Variants in LSAMP observed in about 807,000 individuals in gnomAD.
LSAMP encodes the protein limbic system associated membrane protein.
LSAMP carries 7 observed loss-of-function variants against 38.6 expected under a neutral mutation model. That is an observed-to-expected ratio of 0.18 (90% CI 0.10 to 0.34). LSAMP has a LOEUF of 0.34. Among genes scored for constraint, LSAMP ranks in the 10% least tolerant of loss-of-function variants. LSAMP has a pLI of 1.00. For missense variants in LSAMP, 313 were observed against 420.0 expected, an observed-to-expected ratio of 0.75 and a Z score of 2.23; for synonymous variants, 154 against 166.8, an observed-to-expected ratio of 0.92 and a Z score of 0.59.
At chr3:116,044,595 A>G (rs1941248891) in intron 2 of LSAMP, among the ~76,000 whole-genome samples, 1 of 151,616 alleles carries the variant, frequency 6.6e-6, no homozygotes, top group African/African-American at 2.4e-5. Flanking sequence ...CACAGTTAGC[A>G]GCTGAAAGTA....
chr3:116,090,676 G>T (rs9822570), intron 1 of LSAMP, among the ~76,000 whole-genome samples: 5 of 151,986 alleles, frequency 3.3e-5, no homozygotes, highest in Admixed American at 3.3e-4. Context: ...ACAAAAGAGA[G>T]AAATTTTAAA....
At chr3:116,064,264 G>A (rs567164417) in intron 2 of LSAMP, among the ~76,000 whole-genome samples, 5 of 152,196 alleles carry the variant, frequency 3.3e-5, no homozygotes, top group South Asian at 2.1e-4. Context: ...GGTGGCTCAC[G>A]CCTGTAATCC....
rs72953465 is a variant in LSAMP at position 115,867,647 on chromosome 3, G to A, written c.515-15030C>T. On this transcript the variant is annotated intron_variant, in intron 3 of 6. Transcript: ENST00000490035. ...GAAGAAATCAAGCCAGCCAAACCACGGGGAAGAAGAAGAGCAGGAAGAAAA... is the reference window on the plus strand; with the variant it reads ...GAAGAAATCAAGCCAGCCAAACCACAGGGAAGAAGAAGAGCAGGAAGAAAA... Among the ~76,000 whole-genome samples, 1,001 of 152,188 alleles carry A rather than the reference G, an allele frequency of 6.6e-3. 16 individuals are homozygous for A. The highest frequency in any genetic ancestry group is 0.023 in the African/African-American group (965 of 41,540).
At chr3:116,006,461 C>T (rs6795148) in intron 3 of LSAMP, among the ~76,000 whole-genome samples, 2,036 of 152,232 alleles carry the variant, frequency 0.013, 28 homozygotes, top group African/African-American at 0.034. Context: ...CTGATGGATA[C>T]AACGTAGTAA....
chr3:115,850,737 A>G (rs925361209), intron 4 of LSAMP, among the ~76,000 whole-genome samples: 4 of 152,172 alleles, frequency 2.6e-5, no homozygotes, highest in Non-Finnish European at 5.9e-5. Flanking sequence ...ATTTGTTTCT[A>G]TTAGATTCCT....
intron 1 of LSAMP, among the ~76,000 whole-genome samples, chr3:116,376,274 C>T (rs187170935): frequency 7.8e-4 from 119 of 152,100 alleles, no homozygotes; most frequent in African/African-American, 2.1e-3. Flanking sequence ...AATCTTGCAT[C>T]TATTTATCTA....
At position 115,893,583 on chromosome 3, in the gene LSAMP, G is replaced by C. The variant is rs183267489; in HGVS notation, c.515-40966C>G. Among the ~76,000 whole-genome samples the C allele has an allele frequency of 4.3e-4, 65 of 151,904 alleles. No individual in the cohort carries two copies. In the East Asian group the frequency reaches 0.012, roughly 27 times the overall value. Reference sequence around the variant, plus strand: ...CTATCAATTTTAACATACAATTTTTGATCAATCATAGTAGAGAAAAATTGA... The same window carrying C: ...CTATCAATTTTAACATACAATTTTTCATCAATCATAGTAGAGAAAAATTGA... On this transcript the variant is annotated intron_variant, in intron 3 of 6. Transcript: ENST00000490035.
chr3:115,840,130 C>T (rs1576133040), intron 6 of LSAMP, among the ~76,000 whole-genome samples: 1 of 152,130 alleles, frequency 6.6e-6, no homozygotes, highest in Middle Eastern at 3.2e-3. Context: ...TGAAATATAT[C>T]ATTAGCATAG....
intron 1 of LSAMP, among the ~76,000 whole-genome samples, chr3:116,375,250 G>C (rs959434453): frequency 2.0e-5 from 3 of 151,872 alleles, no homozygotes; most frequent in Admixed American, 2.0e-4. Flanking sequence ...AGGGTTTCAC[G>C]CTGAACATTT....
chr3:115,887,625 G>A (rs1016428220), intron 3 of LSAMP, among the ~76,000 whole-genome samples: 1 of 151,912 alleles, frequency 6.6e-6, no homozygotes, highest in South Asian at 2.1e-4. Context: ...ATAAGATGTG[G>A]ATTAAACATT....
intron 1 of LSAMP, among the ~76,000 whole-genome samples, chr3:116,155,633 G>A (rs1203942102): frequency 5.7e-5 from 6 of 105,928 alleles, no homozygotes; most frequent in Non-Finnish European, 4.4e-5. Flanking sequence ...GTGTGTGTGT[G>A]TGTATATGTG....
In LSAMP at chr3:116,086,418, G is replaced by T. The variant is rs35949439; in HGVS notation, c.294C>A (p.Ile98=). The part of the protein sequence containing the change: ...KRHSLEYSLR[I]QKVDVYDEGS... ...CCTCATCATAGACATCCACCTTCTG[G>T]ATTCGGAGGCTGTATTCCAGAGAAT... Residue 98 remains isoleucine, a synonymous_variant, in exon 2 of 7, where the codon ATC becomes ATA. Transcript: ENST00000490035. 6.2e-7 allele frequency: 1 copy of T among 1,614,032 alleles called. No individual in the cohort carries two copies. The highest frequency in any genetic ancestry group is 8.5e-7 in the Non-Finnish European group (1 of 1,180,000).
chr3:116,274,946 A>AAAAT (rs2047026886), intron 1 of LSAMP, among the ~76,000 whole-genome samples: 1 of 93,554 alleles, frequency 1.1e-5, no homozygotes, highest in African/African-American at 3.3e-5. Flanking sequence ...ACATCGAGTA[A>AAAAT]AAATAGCCAA....
chr3:116,204,918 G>C lies in LSAMP; in HGVS notation c.156-118362C>G, dbSNP rs868436030. Among the ~76,000 whole-genome samples, 530 of 143,244 alleles carry C rather than the reference G, an allele frequency of 3.7e-3. 1 individual carries two copies. The highest frequency in any genetic ancestry group is 0.029 in the South Asian group (117 of 4,076). The allele number at this position is 143,244 out of a possible 152,430, so 94.0% of individuals were successfully genotyped here. ...TTGGTTCCATATGAACTTTAAAGTAGTTTTTTCCAATTCTGTGAAGAAAGT... is the reference window on the plus strand; with the variant it reads ...TTGGTTCCATATGAACTTTAAAGTACTTTTTTCCAATTCTGTGAAGAAAGT... On this transcript the variant is annotated intron_variant, in intron 1 of 6. Coordinates refer to ENST00000490035, the MANE Select transcript of LSAMP (RefSeq NM_002338.5).
At chr3:115,907,530 A>T (rs374493096) in intron 3 of LSAMP, among the ~76,000 whole-genome samples, 8 of 152,150 alleles carry the variant, frequency 5.3e-5, no homozygotes, top group South Asian at 2.1e-4. Flanking sequence ...GTTGTTTGTA[A>T]ATCACCCAGT....
At chr3:116,193,279 C>A (rs990640339) in intron 1 of LSAMP, among the ~76,000 whole-genome samples, 1 of 152,200 alleles carries the variant, frequency 6.6e-6, no homozygotes, top group Admixed American at 6.5e-5. Flanking sequence ...GATTGTCCAA[C>A]TTCTCCTCTG....
In LSAMP at chr3:116,095,266, T is replaced by C. The variant is rs375229232; in HGVS notation, c.156-8710A>G. Among the ~76,000 whole-genome samples, 7 of 152,332 alleles carry C rather than the reference T, an allele frequency of 4.6e-5. 2 individuals carry two copies. The highest frequency in any genetic ancestry group is 1.7e-4 in the African/African-American group (7 of 41,568). ...TCACCTGAAAGTGCAAAAGTTCACA[T>C]GGCAAATGGCAAAACCCAGACAAGC... On this transcript the variant is annotated intron_variant, in intron 1 of 6. Coordinates refer to ENST00000490035, the MANE Select transcript of LSAMP (RefSeq NM_002338.5).
chr3:115,860,829 G>C (rs1366243084), intron 3 of LSAMP, among the ~76,000 whole-genome samples: 1 of 152,086 alleles, frequency 6.6e-6, no homozygotes, highest in Non-Finnish European at 1.5e-5. Context: ...AATTAGGGCT[G>C]GCAAATTGCA....
At chr3:116,347,300 C>T (rs1391392603) in intron 1 of LSAMP, among the ~76,000 whole-genome samples, 2 of 152,138 alleles carry the variant, frequency 1.3e-5, no homozygotes, top group Admixed American at 6.6e-5. Flanking sequence ...TATCCTAACC[C>T]TTAACTTGAA....
Sources: gnomAD v4.1 joint callset for allele counts (sites outside exome capture counted in the v4.1 genomes callset) on GRCh38, gnomAD v4.1.1 for gene constraint, MANE v1.5 for transcripts, NCBI Gene and HGNC (gene_info 2026-07-23, HGNC 2026-07-21) for gene names.